Variants in SEC23IP observed in about 807,000 individuals in gnomAD.
SEC23IP encodes the protein SEC23 interacting protein.
A neutral mutation model predicts 113.4 loss-of-function variants in SEC23IP; 70 were observed. The ratio of observed to expected loss-of-function variants is 0.62; its 90% CI spans 0.51 to 0.75. The LOEUF (loss-of-function observed/expected upper bound fraction) is 0.75. Among genes scored for constraint, SEC23IP ranks in the 30% least tolerant of loss-of-function variants. The pLI is 0.00. For missense variants in SEC23IP, 1,160 were observed against 1,204.9 expected (o/e 0.96, Z 0.55); for synonymous variants, 398 against 421.0 (o/e 0.95, Z 0.67).
rs1855996635 is a variant in SEC23IP at position 119,942,634 on chromosome 10, T to C, written c.*2069T>C. The C allele has an allele frequency of 6.6e-6, 1 of 152,204 alleles. No homozygotes were observed. The highest frequency in any genetic ancestry group is 1.5e-5 in the Non-Finnish European group (1 of 68,050). 9.4% of individuals were successfully genotyped at this position (152,204 alleles called of 1,614,324 possible). A position where few individuals can be genotyped will look rare whatever the true frequency, so the allele number is the denominator to read the frequency against. The stretch of plus-strand genomic sequence containing the variant: ...ATAAAGAAAGTCATGTCTGTAGTTA[T>C]TCCAAAAGTGTTTCATGTGTAGAGT... On this transcript the variant is annotated 3_prime_UTR_variant, in exon 19 of 19. Transcript: ENST00000369075.
At chr10:119,933,607 C>G in intron 17 of SEC23IP, 79 bp from the exon 18 acceptor site, 1 of 769,196 alleles carries the variant, frequency 1.3e-6, no homozygotes, top group Non-Finnish European at 2.3e-6. Flanking sequence ...TAGAATAGAA[C>G]CTGCATTTTC....
At chr10:119,928,341 A>G (rs1855487279) in intron 13 of SEC23IP, among the ~76,000 whole-genome samples, 1 of 152,090 alleles carries the variant, frequency 6.6e-6, no homozygotes, top group Non-Finnish European at 1.5e-5. Flanking sequence ...TATTTCTTCC[A>G]GTTTGTAATT....
chr10:119,917,426 T>C (rs943631987), intron 8 of SEC23IP, among the ~76,000 whole-genome samples: 3 of 151,784 alleles, frequency 2.0e-5, no homozygotes, highest in Admixed American at 2.0e-4. Flanking sequence ...TCGCCCAGAC[T>C]GGAATGCAGT....
intron 1 of SEC23IP, among the ~76,000 whole-genome samples, chr10:119,893,811 C>G (rs1199156895): frequency 6.6e-6 from 1 of 152,146 alleles, no homozygotes; most frequent in Non-Finnish European, 1.5e-5. Flanking sequence ...TAACCCCCCA[C>G]CCATTCCTCA....
chr10:119,922,171 T>C (rs1855270330), intron 12 of SEC23IP, among the ~76,000 whole-genome samples: 1 of 152,038 alleles, frequency 6.6e-6, no homozygotes, highest in African/African-American at 2.4e-5. Context: ...AGTTCTGGCT[T>C]GTTGAGACAA....
rs762575657 is a variant in SEC23IP, at chr10:119,920,896, G to T, written c.2033G>T (p.Cys678Phe). ...EKIDMESLLM[C>F]TVDDLKEMGI... Reference sequence around the variant, plus strand: ...GTCTGTTTCCTTTTAAAGCTTATGTGTACAGTTGATGACCTGAAGGAAATG... The same window carrying T: ...GTCTGTTTCCTTTTAAAGCTTATGTTTACAGTTGATGACCTGAAGGAAATG... The change falls in exon 12 of 19, where the codon TGT (cysteine) becomes TTT (phenylalanine). Residue 678 changes from cysteine to phenylalanine, a missense_variant. By Grantham distance (205) the Cys-to-Phe change is radical (BLOSUM62 -2). Transcript: ENST00000369075. The T allele has an allele frequency of 5.0e-6, 8 of 1,606,576 alleles. No individual in the cohort carries two copies. The highest frequency in any genetic ancestry group is 4.3e-6 in the Non-Finnish European group (5 of 1,173,538).
chr10:119,929,790 T>C (rs879094985), intron 14 of SEC23IP, 28 bp downstream of exon 14: 11 of 1,501,426 alleles, frequency 7.3e-6, no homozygotes, highest in South Asian at 7.2e-5. Flanking sequence ...CTTTGTTTTT[T>C]AAAATCCTTT....
In SEC23IP at chr10:119,898,667, C is replaced by T; in HGVS notation, c.404C>T (p.Pro135Leu). 6.2e-7 allele frequency: 1 copy of T among 1,614,206 alleles called. No individual in the cohort carries two copies. The highest frequency in any genetic ancestry group is 8.5e-7 in the Non-Finnish European group (1 of 1,180,042). ...GSQDVSNAFS[P>L]SISKAQPGAP... is the part of the protein sequence containing the mutation. ...CAAGATGTCTCGAATGCATTTTCACCATCCATTTCGAAGGCTCAACCTGGT... is the reference window on the plus strand; with the variant it reads ...CAAGATGTCTCGAATGCATTTTCACTATCCATTTCGAAGGCTCAACCTGGT... Residue 135 changes from proline (P) to leucine (L), a missense_variant, in exon 2 of 19, where the codon CCA becomes CTA. Physicochemically the swap from Pro to Leu is moderately conservative, Grantham distance 98. Coordinates refer to ENST00000369075, the MANE Select transcript of SEC23IP (RefSeq NM_007190.4).
chr10:119,905,363 C>T (rs1344285765), intron 4 of SEC23IP, among the ~76,000 whole-genome samples: 1 of 152,110 alleles, frequency 6.6e-6, no homozygotes, highest in Non-Finnish European at 1.5e-5. Flanking sequence ...TATATATTTT[C>T]AAGTCCAAGC....
At chr10:119,935,565 C>G (rs1383478598) in intron 18 of SEC23IP, among the ~76,000 whole-genome samples, 3 of 152,164 alleles carry the variant, frequency 2.0e-5, no homozygotes, top group Non-Finnish European at 4.4e-5. Flanking sequence ...ATCTGTCCGC[C>G]CATCCGTCCA....
rs1854779953 is a variant in SEC23IP at position 119,909,291 on chromosome 10, ATAT to A, written c.1191+166_1191+168del. 2.6e-5 allele frequency among the ~76,000 whole-genome samples: 4 copies of A among 152,368 alleles called. No homozygotes were observed. In the South Asian group the frequency reaches 6.2e-4, roughly 24 times the overall value. On this transcript the variant is annotated intron_variant, in intron 5 of 18. Transcript: ENST00000369075. ...TTTATTATTATAGTGGATAATACAGATATTATTTCTATGATTCACACTGATCAT... is the reference window on the plus strand; with the variant it reads ...TTTATTATTATAGTGGATAATACAGATATTTCTATGATTCACACTGATCAT...
At chr10:119,898,311 A>C (rs1221863432) in intron 1 of SEC23IP, 116 bp from the exon 2 acceptor site, 2 of 1,353,204 alleles carry the variant, frequency 1.5e-6, no homozygotes, top group Admixed American at 2.9e-5. Flanking sequence ...GTAATGCAGA[A>C]ATAGCAAGTT....
chr10:119,922,029 C>T (rs1204369946), intron 12 of SEC23IP, among the ~76,000 whole-genome samples: 2 of 152,052 alleles, frequency 1.3e-5, no homozygotes, highest in Non-Finnish European at 2.9e-5. Context: ...GCACTGTGTT[C>T]AATTCTTGGG....
chr10:119,914,359 C>T (rs888360939), intron 6 of SEC23IP: 4 of 217,334 alleles, frequency 1.8e-5, no homozygotes, highest in Non-Finnish European at 2.8e-5. Context: ...ATGTATGTTT[C>T]TTGTAAAATA....
At chr10:119,918,597 C>G (rs1855131735) in intron 10 of SEC23IP, 86 bp downstream of exon 10, 1 of 732,786 alleles carries the variant, frequency 1.4e-6, no homozygotes, top group African/African-American at 1.9e-5. Flanking sequence ...TTTCTTGAAA[C>G]TTTTGTTTGT....
intron 12 of SEC23IP, among the ~76,000 whole-genome samples, chr10:119,923,141 G>T (rs1475859868): frequency 6.6e-6 from 1 of 152,120 alleles, no homozygotes; most frequent in Non-Finnish European, 1.5e-5. Context: ...GAAGGAGACT[G>T]GTTTATGGAC....
chr10:119,914,607 T>A (rs1854984690), intron 6 of SEC23IP, 123 bp from the exon 7 acceptor site: 2 of 773,414 alleles, frequency 2.6e-6, no homozygotes, highest in Admixed American at 2.0e-5. Flanking sequence ...CTTATTCTCT[T>A]TGAAGGGTCA....
intron 4 of SEC23IP, 117 bp from the exon 5 acceptor site, chr10:119,908,924 G>T: frequency 1.5e-6 from 1 of 654,890 alleles, no homozygotes; most frequent in East Asian, 2.7e-5. Flanking sequence ...GTCAGGAAAT[G>T]AGAACTGCTA....
chr10:119,930,312 A>T lies in SEC23IP; in HGVS notation c.2470-17A>T. The T allele has an allele frequency of 6.9e-7, 1 of 1,451,092 alleles. No homozygotes were observed. The highest frequency in any genetic ancestry group is 9.4e-7 in the Non-Finnish European group (1 of 1,064,160). The allele number at this position is 1,451,092 out of a possible 1,614,324, so 89.9% of individuals were successfully genotyped here. ...CATAAATTTCTTTTATTTATTCATA[A>T]ATTCTTCTATTTATAGCTTGATCCA... On this transcript the variant is annotated splice_polypyrimidine_tract_variant and intron_variant, in intron 14 of 18. Coordinates refer to ENST00000369075, the MANE Select transcript of SEC23IP (RefSeq NM_007190.4).
Sources: allele counts gnomAD v4.1 joint callset (sites outside exome capture counted in the v4.1 genomes callset), GRCh38; gene constraint gnomAD v4.1.1; transcripts MANE v1.5; gene names NCBI Gene and HGNC (gene_info 2026-07-23, HGNC 2026-07-21).